The following DLG2 variants were observed in gnomAD, a reference collection of about 807,000 sequenced individuals.
The protein encoded by DLG2 is discs large MAGUK scaffold protein 2.
Under a neutral mutation model 132.5 loss-of-function variants are expected in DLG2, and 45 were observed. That is an observed-to-expected ratio of 0.34 (90% CI 0.27 to 0.44). The LOEUF (loss-of-function observed/expected upper bound fraction) is 0.44. Ranked by LOEUF, DLG2 falls within the 20% of genes least tolerant of loss-of-function variation. DLG2 has a pLI of 1.00. For missense variants in DLG2, 1,045 were observed against 1,196.9 expected, an observed-to-expected ratio of 0.87 and a Z score of 1.87; for synonymous variants, 424 against 419.6, an observed-to-expected ratio of 1.01 and a Z score of -0.13.
At chr11:85,358,541 G>A (rs1596501823) in intron 3 of DLG2, among the ~76,000 whole-genome samples, 1 of 152,158 alleles carries the variant, frequency 6.6e-6, no homozygotes, top group South Asian at 2.1e-4. Flanking sequence ...TGCTGAACCA[G>A]GGCAGTGAAA....
intron 6 of DLG2, among the ~76,000 whole-genome samples, chr11:84,619,995 C>G (rs1232741133): frequency 6.7e-6 from 1 of 150,144 alleles, no homozygotes; most frequent in Admixed American, 6.7e-5. Flanking sequence ...CAAAGACACA[C>G]CTGAAGAAAA....
At chr11:84,571,791 C>T (rs2099485723) in intron 6 of DLG2, among the ~76,000 whole-genome samples, 1 of 152,040 alleles carries the variant, frequency 6.6e-6, no homozygotes, top group African/African-American at 2.4e-5. Flanking sequence ...ATGCTCATAA[C>T]TTTAGGGAAC....
intron 6 of DLG2, among the ~76,000 whole-genome samples, chr11:85,067,756 A>T (rs1566779236): frequency 6.6e-6 from 1 of 152,092 alleles, no homozygotes; most frequent in Admixed American, 6.6e-5. Flanking sequence ...TACTGAAATT[A>T]TTCCAATCAA....
intron 18 of DLG2, among the ~76,000 whole-genome samples, chr11:83,719,058 C>CTTTTAAA (rs1249608929): frequency 1.3e-5 from 2 of 152,116 alleles, no homozygotes; most frequent in Non-Finnish European, 2.9e-5. Flanking sequence ...AGTGAGAATC[C>CTTTTAAA]CTGAAAGGAG....
At chr11:83,667,093 T>C (rs1410134820) in intron 18 of DLG2, among the ~76,000 whole-genome samples, 2 of 152,212 alleles carry the variant, frequency 1.3e-5, no homozygotes, top group Non-Finnish European at 2.9e-5. Flanking sequence ...TTCATAGACA[T>C]AAGCCAAGAC....
chr11:83,922,099 C>G (rs1030221831), intron 15 of DLG2, among the ~76,000 whole-genome samples: 2 of 152,100 alleles, frequency 1.3e-5, no homozygotes, highest in Admixed American at 6.6e-5. Flanking sequence ...AAAATGTTAA[C>G]TGTGCTTTTA....
Position 83,884,361 on chromosome 11 carries a change from T to G in DLG2, c.1497-9873A>C, listed in dbSNP as rs570725772. 6.6e-5 allele frequency among the ~76,000 whole-genome samples: 10 copies of G among 152,272 alleles called. No individual in the cohort carries two copies. In the East Asian group the frequency reaches 1.9e-3, roughly 29 times the overall value. ...GATTGCTAGCACAGCAGTCTGAGAT[T>G]AAACTGTAAGGCGGCAGCGAGGCTA... On this transcript the variant is annotated intron_variant, in intron 15 of 27. Transcript: ENST00000376104.
At chr11:85,609,733 C>G (rs1008741546) in intron 2 of DLG2, among the ~76,000 whole-genome samples, 1 of 152,130 alleles carries the variant, frequency 6.6e-6, no homozygotes, top group East Asian at 1.9e-4. Context: ...CACTGAGCCC[C>G]GGATACGTTT....
At chr11:85,103,193 A>G (rs907206110) in intron 6 of DLG2, among the ~76,000 whole-genome samples, 26 of 152,016 alleles carry the variant, frequency 1.7e-4, no homozygotes, top group African/African-American at 5.6e-4. Flanking sequence ...CCTCAAATTG[A>G]TGTACAGAGT....
chr11:84,923,071 T>A, intron 6 of DLG2: 2 of 1,613,994 alleles, frequency 1.2e-6, no homozygotes, highest in Non-Finnish European at 1.7e-6. Flanking sequence ...GCTCGCCTCC[T>A]CTTACCTTCA....
In DLG2 at chr11:83,622,862, T is replaced by C. The variant is rs192482576; in HGVS notation, c.1940+10349A>G. Among the ~76,000 whole-genome samples the C allele has an allele frequency of 3.3e-5, 5 of 152,336 alleles. No individual in the cohort carries two copies. The East Asian group carries it at 9.6e-4, about 29-fold the overall frequency. On this transcript the variant is annotated intron_variant, in intron 19 of 27. Coordinates refer to ENST00000376104, the MANE Select transcript of DLG2 (RefSeq NM_001142699.3). ...TCTTATAATATGTTCCATATGCATATCAGAAGAATGTATATCCTGTGTTTG... is the reference window on the plus strand; with the variant it reads ...TCTTATAATATGTTCCATATGCATACCAGAAGAATGTATATCCTGTGTTTG...
intron 6 of DLG2, among the ~76,000 whole-genome samples, chr11:84,540,808 T>C (rs1375325766): frequency 6.6e-6 from 1 of 152,102 alleles, no homozygotes; most frequent in Non-Finnish European, 1.5e-5. Context: ...CCATCAATGA[T>C]AGACTGGATT....
At chr11:84,850,432 TC>T (rs2082039083) in intron 6 of DLG2, among the ~76,000 whole-genome samples, 1 of 152,122 alleles carries the variant, frequency 6.6e-6, no homozygotes, top group Non-Finnish European at 1.5e-5. Context: ...TATGGGATAC[TC>T]ACAGCTAACA....
At chr11:85,417,911 G>C (rs1012180469) in intron 3 of DLG2, among the ~76,000 whole-genome samples, 7 of 151,896 alleles carry the variant, frequency 4.6e-5, no homozygotes, top group East Asian at 1.9e-4. Flanking sequence ...TGATTTTTTT[G>C]AAGGGTTTTT....
intron 6 of DLG2, among the ~76,000 whole-genome samples, chr11:85,041,424 A>C (rs1460945548): frequency 1.3e-5 from 2 of 151,914 alleles, no homozygotes; most frequent in Non-Finnish European, 2.9e-5. Flanking sequence ...TTGACTCTTA[A>C]CCTTATTTTA....
intron 17 of DLG2, among the ~76,000 whole-genome samples, chr11:83,809,364 T>A (rs1364465908): frequency 6.6e-6 from 1 of 152,194 alleles, no homozygotes; most frequent in African/African-American, 2.4e-5. Context: ...TTATACATAA[T>A]GCTCTGTGAC....
chr11:84,508,671 A>G (rs544233329), intron 7 of DLG2, among the ~76,000 whole-genome samples: 1 of 152,168 alleles, frequency 6.6e-6, no homozygotes, highest in East Asian at 1.9e-4. Flanking sequence ...AAGTGCTGGG[A>G]TTACAAGCAT....
intron 6 of DLG2, among the ~76,000 whole-genome samples, chr11:84,767,312 A>C (rs1455896350): frequency 6.6e-6 from 1 of 152,064 alleles, no homozygotes; most frequent in African/African-American, 2.4e-5. Context: ...AAAATTTCAT[A>C]TTAGATTGGG....
At chr11:84,600,159 G>GGAAAGAAAGAAAGAAAGAAGGAAAGAAA (rs2099572569) in intron 6 of DLG2, among the ~76,000 whole-genome samples, 1 of 96,102 alleles carries the variant, frequency 1.0e-5, no homozygotes, top group African/African-American at 4.3e-5. Flanking sequence ...AAAGAAAGAA[G>GGAAAGAAAGAAAGAAAGAAGGAAAGAAA]GAAAGAAAGA....
Sources: gnomAD v4.1 joint callset for allele counts (sites outside exome capture counted in the v4.1 genomes callset) on GRCh38, gnomAD v4.1.1 for gene constraint, MANE v1.5 for transcripts, NCBI Gene and HGNC (gene_info 2026-07-23, HGNC 2026-07-21) for gene names.